LRRIQ1: variants seen among roughly 807,000 people sequenced by gnomAD.
LRRIQ1 encodes leucine-rich repeat- and IQ domain-containing protein 1.
Under a neutral mutation model 211.9 loss-of-function variants are expected in LRRIQ1, and 210 were observed. The observed-to-expected ratio is 0.99, with a 90% confidence interval of 0.89 to 1.11. The LOEUF is 1.11. Ranked by LOEUF, LRRIQ1 falls within the 50% of genes most tolerant of loss-of-function variation. The pLI, the probability that LRRIQ1 is intolerant of heterozygous loss-of-function variation, is 0.00. For missense variants in LRRIQ1, 2,136 were observed against 1,939.5 expected (o/e 1.10, Z -1.90); for synonymous variants, 699 against 650.1 (o/e 1.08, Z -1.14).
chr12:85,179,432 T>C (rs1891874358), intron 24 of LRRIQ1, among the ~76,000 whole-genome samples: 1 of 151,962 alleles, frequency 6.6e-6, no homozygotes, highest in Admixed American at 6.6e-5. Flanking sequence ...GATTGAGAGA[T>C]GTGTAGATAT....
At position 85,073,052 on chromosome 12, in the gene LRRIQ1, A is replaced by T. The variant is rs1371459688; in HGVS notation, c.2841A>T (p.Thr947=). ...CWSWIPITSL[T]KNSDCNFLIS... ...CCTGGATACCTATTACCTCACTTACAAAAAATTCAGATTGTAATTTCCTTA... is the reference window on the plus strand; with the variant it reads ...CCTGGATACCTATTACCTCACTTACTAAAAATTCAGATTGTAATTTCCTTA... Residue 947 remains threonine (T), a synonymous_variant, in exon 11 of 27, where the codon ACA becomes ACT. Coordinates refer to ENST00000393217, the MANE Select transcript of LRRIQ1 (RefSeq NM_001079910.2). 2.5e-6 allele frequency: 4 copies of T among 1,609,146 alleles called. No homozygotes were observed. Among genetic ancestry groups the T allele is most frequent in the Non-Finnish European group, 3.4e-6 (4 of 1,177,564 alleles).
intron 24 of LRRIQ1, among the ~76,000 whole-genome samples, chr12:85,192,513 TATA>T (rs1892588359): frequency 8.1e-6 from 1 of 123,690 alleles, no homozygotes; most frequent in Non-Finnish European, 1.6e-5. Flanking sequence ...TATAAATATA[TATA>T]GTTATATAAT....
chr12:85,077,814 A>T (rs761796979), intron 11 of LRRIQ1, among the ~76,000 whole-genome samples: 30 of 151,928 alleles, frequency 2.0e-4, no homozygotes, highest in Non-Finnish European at 4.3e-4. Flanking sequence ...TCTACTAAAA[A>T]TAAAAAAATA....
intron 24 of LRRIQ1, among the ~76,000 whole-genome samples, chr12:85,202,152 T>G (rs1382503686): frequency 6.6e-6 from 1 of 152,140 alleles, no homozygotes; most frequent in African/African-American, 2.4e-5. Flanking sequence ...GTGGTTAGTA[T>G]AAATTCAGTT....
chr12:85,205,256 C>T (rs571060003), intron 24 of LRRIQ1, among the ~76,000 whole-genome samples: 9 of 152,262 alleles, frequency 5.9e-5, no homozygotes, highest in East Asian at 1.9e-4. Flanking sequence ...GTAAATTTCC[C>T]ATTCGTGGGT....
At chr12:85,268,955 T>C (rs1896479468), downstream of LRRIQ1, among the ~76,000 whole-genome samples, 1 of 152,004 alleles carries the variant, frequency 6.6e-6, no homozygotes, top group African/African-American at 2.4e-5. Flanking sequence ...TAGGAAGGAT[T>C]GGTTTCTAAT....
chr12:85,132,823 A>G (rs989744038), intron 18 of LRRIQ1, among the ~76,000 whole-genome samples: 4 of 151,934 alleles, frequency 2.6e-5, no homozygotes, highest in African/African-American at 7.2e-5. Context: ...TTAAAATACC[A>G]AAATGAAAGA....
intron 1 of LRRIQ1, among the ~76,000 whole-genome samples, chr12:85,256,257 G>A (rs1005349330): frequency 6.6e-6 from 1 of 151,554 alleles, no homozygotes; most frequent in Non-Finnish European, 1.5e-5. Context: ...TTTGACGACA[G>A]GATTCATGCA....
chr12:85,130,956 T>G (rs570342017), intron 18 of LRRIQ1, among the ~76,000 whole-genome samples: 1 of 151,388 alleles, frequency 6.6e-6, no homozygotes, highest in Non-Finnish European at 1.5e-5. Flanking sequence ...ATGCCTGAGA[T>G]CCCAACACTT....
At chr12:85,201,667 A>G (rs1199507285) in intron 24 of LRRIQ1, among the ~76,000 whole-genome samples, 1 of 151,598 alleles carries the variant, frequency 6.6e-6, no homozygotes, top group Non-Finnish European at 1.5e-5. Context: ...GTTTGTGTGG[A>G]TCTTCTCTCT....
At chr12:85,068,770 G>A (rs918612481) in intron 10 of LRRIQ1, among the ~76,000 whole-genome samples, 1 of 149,048 alleles carries the variant, frequency 6.7e-6, no homozygotes, top group Non-Finnish European at 1.5e-5. Context: ...CTTTAAATCT[G>A]CAGCAGTCCT....
chr12:85,268,148 A>G (rs2137355911), downstream of LRRIQ1, among the ~76,000 whole-genome samples: 1 of 152,102 alleles, frequency 6.6e-6, no homozygotes, highest in African/African-American at 2.4e-5. Flanking sequence ...AAATATTTCC[A>G]TGAAATGATG....
intron 1 of LRRIQ1, among the ~76,000 whole-genome samples, chr12:85,251,206 T>C (rs1895934740): frequency 6.6e-6 from 1 of 150,580 alleles, no homozygotes; most frequent in Non-Finnish European, 1.5e-5. Flanking sequence ...GAAAGTGTAT[T>C]TGAGAGAAAT....
At chr12:85,234,971 G>A (rs751835717) in intron 26 of LRRIQ1, among the ~76,000 whole-genome samples, 2 of 152,056 alleles carry the variant, frequency 1.3e-5, no homozygotes, top group East Asian at 1.9e-4. Context: ...ACTTCATATC[G>A]GAAGCAATGA....
At chr12:85,084,220 A>AT (rs1431810728) in intron 11 of LRRIQ1, among the ~76,000 whole-genome samples, 3 of 152,228 alleles carry the variant, frequency 2.0e-5, no homozygotes, top group Non-Finnish European at 2.9e-5. Context: ...TAAAATTGCA[A>AT]TAAAAATAGC....
At chr12:85,100,388 GAATT>G (rs1430132735) in intron 13 of LRRIQ1, among the ~76,000 whole-genome samples, 2 of 151,490 alleles carry the variant, frequency 1.3e-5, no homozygotes, top group African/African-American at 4.8e-5. Context: ...ATAAACTAGA[GAATT>G]AAATATTTTT....
At chr12:85,083,379 A>C (rs938514134) in intron 11 of LRRIQ1, among the ~76,000 whole-genome samples, 1 of 152,074 alleles carries the variant, frequency 6.6e-6, no homozygotes, top group African/African-American at 2.4e-5. Context: ...TGCAGAGGTG[A>C]GGATGATCAG....
At chr12:85,044,480 T>C (rs1312068661) in intron 3 of LRRIQ1, among the ~76,000 whole-genome samples, 3 of 151,966 alleles carry the variant, frequency 2.0e-5, no homozygotes, top group Admixed American at 2.0e-4. Context: ...CACTAGAATA[T>C]GGAAAATGAT....
chr12:85,100,377 T>C (rs990308813), intron 13 of LRRIQ1, among the ~76,000 whole-genome samples: 4 of 151,634 alleles, frequency 2.6e-5, no homozygotes, highest in Admixed American at 2.0e-4. Flanking sequence ...ATGGGAATTA[T>C]ATAAACTAGA....
Sources: gnomAD v4.1 joint callset for allele counts (sites outside exome capture counted in the v4.1 genomes callset) on GRCh38, gnomAD v4.1.1 for gene constraint, MANE v1.5 for transcripts, NCBI Gene and HGNC (gene_info 2026-07-23, HGNC 2026-07-21) for gene names.